The following TMEM266 variants were observed in gnomAD, a reference collection of about 807,000 sequenced individuals.
TMEM266 encodes Hv1 related protein 1.
A neutral mutation model predicts 50.5 loss-of-function variants in TMEM266; 33 were observed. That is an observed-to-expected ratio of 0.65 (90% confidence interval 0.50 to 0.87). The LOEUF (loss-of-function observed/expected upper bound fraction) is 0.87. Ranked by LOEUF, TMEM266 falls within the 40% of genes least tolerant of loss-of-function variation. The pLI, the probability that TMEM266 is intolerant of heterozygous loss-of-function variation, is 0.00. For missense variants in TMEM266, 655 were observed against 695.1 expected, an observed-to-expected ratio of 0.94 and a Z score of 0.65; for synonymous variants, 310 against 292.3, an observed-to-expected ratio of 1.06 and a Z score of -0.62.
intron 1 of TMEM266, among the ~76,000 whole-genome samples, chr15:76,107,097 T>C (rs887887991): frequency 3.3e-5 from 5 of 152,246 alleles, no homozygotes; most frequent in African/African-American, 9.6e-5. Context: ...GTATGCCATT[T>C]AAAATTTTCT....
At chr15:76,063,642 T>G (rs1402403447) in intron 1 of TMEM266, among the ~76,000 whole-genome samples, 1 of 152,210 alleles carries the variant, frequency 6.6e-6, no homozygotes, top group Admixed American at 6.5e-5. Context: ...CCTACTATAT[T>G]AATTAGTTGT....
At chr15:76,137,053 T>C (rs928685875) in intron 2 of TMEM266, among the ~76,000 whole-genome samples, 3 of 151,986 alleles carry the variant, frequency 2.0e-5, no homozygotes, top group Admixed American at 6.5e-5. Context: ...CCCTCAGACA[T>C]TGGATCAAGT....
chr15:76,175,851 G>A (rs1396022328), intron 8 of TMEM266, 177 bp downstream of exon 8: 1 of 560,988 alleles, frequency 1.8e-6, no homozygotes, highest in African/African-American at 1.9e-5. Flanking sequence ...CAGGTTCACT[G>A]ATGTATAGCC....
At chr15:76,072,161 G>A (rs181746112) in intron 1 of TMEM266, among the ~76,000 whole-genome samples, 7 of 152,012 alleles carry the variant, frequency 4.6e-5, no homozygotes, top group Non-Finnish European at 8.8e-5. Flanking sequence ...TGGACCGGCC[G>A]GGTGCGGTGG....
chr15:76,204,051 G>C lies in TMEM266; in HGVS notation c.1332G>C (p.Leu444=). ...AGGAGGCCACAGTCCAGGACCTGCT[G>C]TCCTCCCTGTCGGAGGACCCCTGCC... The change falls in exon 11 of 11, where the codon CTG becomes CTC. Residue 444 remains leucine (L), a synonymous_variant. Coordinates refer to ENST00000388942, the MANE Select transcript of TMEM266 (RefSeq NM_152335.3). 1 of 1,612,250 alleles carries C rather than the reference G, an allele frequency of 6.2e-7. No individual in the cohort carries two copies. Among genetic ancestry groups the C allele is most frequent in the Non-Finnish European group, 8.5e-7 (1 of 1,179,184 alleles).
rs988459741 is a variant in TMEM266, at chr15:76,160,325, G to A, written c.456+157G>A. 1.8e-4 allele frequency among the ~76,000 whole-genome samples: 27 copies of A among 152,210 alleles called. 1 individual carries two copies. Among genetic ancestry groups the A allele is most frequent in the Admixed American group, 1.6e-3 (25 of 15,290 alleles). On this transcript the variant is annotated intron_variant, in intron 5 of 10. Coordinates refer to ENST00000388942, the MANE Select transcript of TMEM266 (RefSeq NM_152335.3). This position sits in a 1 kb window ranked among gnomAD's most constrained non-coding sequence, Gnocchi z 5.7. ...CACAATATAGATAGATGATCTCTGC[G>A]GGGGGAAGTGGTACAGGGAGCCCAA...
At chr15:76,201,143 TG>T (rs1333158266) in intron 9 of TMEM266, among the ~76,000 whole-genome samples, 2 of 152,120 alleles carry the variant, frequency 1.3e-5, no homozygotes, top group Non-Finnish European at 2.9e-5. Context: ...GAGGGCTTTC[TG>T]GTGTCTGACC....
At chr15:76,078,363 T>TCA (rs945609852) in intron 1 of TMEM266, among the ~76,000 whole-genome samples, 2 of 151,324 alleles carry the variant, frequency 1.3e-5, no homozygotes, top group Admixed American at 6.6e-5. Flanking sequence ...CCTCTCTTTC[T>TCA]CACACACACA....
At chr15:76,081,174 G>A (rs1356543157) in intron 1 of TMEM266, among the ~76,000 whole-genome samples, 2 of 152,192 alleles carry the variant, frequency 1.3e-5, no homozygotes, top group South Asian at 2.1e-4. Context: ...TTCGTGTACC[G>A]AGTTCAAAAG....
chr15:76,103,490 C>T (rs534880103), intron 1 of TMEM266, among the ~76,000 whole-genome samples: 1 of 152,152 alleles, frequency 6.6e-6, no homozygotes, highest in South Asian at 2.1e-4. Flanking sequence ...GCCTGAGCAA[C>T]TGGAAGGGTC....
chr15:76,066,873 C>A (rs2036432210), intron 1 of TMEM266, among the ~76,000 whole-genome samples: 2 of 152,100 alleles, frequency 1.3e-5, no homozygotes, highest in Admixed American at 1.3e-4. Flanking sequence ...ACTGTTGACA[C>A]ATGGGGCCAG....
rs200991149 is a variant in TMEM266, at chr15:76,067,687, GT to G, written c.-97+7684del. 3.4e-3 allele frequency among the ~76,000 whole-genome samples: 449 copies of G among 133,444 alleles called. 2 individuals are homozygous for G. Among genetic ancestry groups the G allele is most frequent in the Non-Finnish European group, 4.2e-3 (257 of 61,646 alleles). 87.5% of individuals were successfully genotyped at this position (133,444 alleles called of 152,430 possible). On this transcript the variant is annotated intron_variant, in intron 1 of 10. Transcript: ENST00000388942. ...AAAGAAAAGAAAAAGTCATTCTTGG[GT>G]TTTTTTTTTTTTGGCATTGTATTTA...
chr15:76,185,576 T>C (rs2038480352), intron 8 of TMEM266, among the ~76,000 whole-genome samples: 1 of 152,234 alleles, frequency 6.6e-6, no homozygotes, highest in East Asian at 1.9e-4. Flanking sequence ...TTTGAAGTCC[T>C]TGTTTGTTCA....
chr15:76,177,547 A>G (rs763630974), intron 8 of TMEM266, among the ~76,000 whole-genome samples: 17 of 152,250 alleles, frequency 1.1e-4, no homozygotes, highest in Non-Finnish European at 2.1e-4. Context: ...CTGCTTTGGG[A>G]ACACTATGAC....
intron 1 of TMEM266, among the ~76,000 whole-genome samples, chr15:76,095,346 G>A (rs2142000393): frequency 6.6e-6 from 1 of 152,112 alleles, no homozygotes; most frequent in East Asian, 1.9e-4. Flanking sequence ...TTTGTCAAAG[G>A]CCTTTTCTGC....
At chr15:76,131,981 G>T (rs562833740) in intron 1 of TMEM266, among the ~76,000 whole-genome samples, 1 of 152,170 alleles carries the variant, frequency 6.6e-6, no homozygotes, top group South Asian at 2.1e-4. Flanking sequence ...GAACTTCCTC[G>T]CTCCTTTAAG....
In TMEM266 at chr15:76,183,103, C is replaced by CTTTTTTTTTTT. The variant is rs71140199; in HGVS notation, c.768+7449_768+7459dup. 2.0e-3 allele frequency among the ~76,000 whole-genome samples: 90 copies of CTTTTTTTTTTT among 44,168 alleles called. 13 individuals are homozygous for CTTTTTTTTTTT. Among genetic ancestry groups the CTTTTTTTTTTT allele is most frequent in the Admixed American group, 4.3e-3 (9 of 2,104 alleles). The allele number at this position is 44,168 out of a possible 152,430, so 29.0% of individuals were successfully genotyped here. On this transcript the variant is annotated intron_variant, in intron 8 of 10. Coordinates refer to ENST00000388942, the MANE Select transcript of TMEM266 (RefSeq NM_152335.3). ...CCTCCAGGCTGCTTCCATTTTGTGG[C>CTTTTTTTTTTT]TTTTTTTTTTTTTTTTTTTTTTTTT... is the stretch of plus-strand genomic sequence containing the variant.
intron 6 of TMEM266, among the ~76,000 whole-genome samples, chr15:76,170,187 T>G (rs1252130654): frequency 6.6e-6 from 1 of 152,200 alleles, no homozygotes; most frequent in African/African-American, 2.4e-5. Flanking sequence ...CCACCCTAAA[T>G]GGAAAGCTGA....
intron 1 of TMEM266, among the ~76,000 whole-genome samples, chr15:76,089,123 A>G (rs1483174792): frequency 3.3e-5 from 5 of 150,582 alleles, no homozygotes; most frequent in Non-Finnish European, 7.4e-5. Context: ...AAGAGGAAAA[A>G]GAAAAGCATA....
Sources: gnomAD v4.1 joint callset for allele counts (sites outside exome capture counted in the v4.1 genomes callset) on GRCh38, gnomAD v4.1.1 for gene constraint, Gnocchi (gnomAD v3.1) non-coding constraint, MANE v1.5 for transcripts, NCBI Gene and HGNC (gene_info 2026-07-23, HGNC 2026-07-21) for gene names.